Variants in SPG11 observed in about 807,000 individuals in gnomAD.
SPG11 encodes the protein spatacsin.
Under a neutral mutation model 274.0 loss-of-function variants are expected in SPG11, and 222 were observed. The ratio of observed to expected loss-of-function variants is 0.81; its 90% confidence interval spans 0.73 to 0.91. SPG11 has a LOEUF of 0.91. Among genes scored for constraint, SPG11 ranks in the 40% least tolerant of loss-of-function variants. The pLI, the probability that SPG11 is intolerant of heterozygous loss-of-function variation, is 0.00. For missense variants in SPG11, 3,114 were observed against 2,872.7 expected (o/e 1.08, Z -1.92); for synonymous variants, 1,144 against 1,039.7 (o/e 1.10, Z -1.93).
intron 31 of SPG11, among the ~76,000 whole-genome samples, chr15:44,574,395 C>CAAAGA (rs1318732699): frequency 6.6e-6 from 1 of 152,180 alleles, no homozygotes; most frequent in Non-Finnish European, 1.5e-5. Flanking sequence ...CCTCAATTTC[C>CAAAGA]AAAGAAGTCT....
At chr15:44,639,475 G>A (rs2084378689) in intron 7 of SPG11, among the ~76,000 whole-genome samples, 1 of 152,082 alleles carries the variant, frequency 6.6e-6, no homozygotes, top group African/African-American at 2.4e-5. Context: ...AGGTCGAGGA[G>A]GGAGGATTGC....
At chr15:44,600,778 T>A in intron 20 of SPG11, 146 bp from the exon 21 acceptor site, 1 of 850,348 alleles carries the variant, frequency 1.2e-6, no homozygotes, top group Non-Finnish European at 1.9e-6. Context: ...AAAATCTGAT[T>A]TATTTTACTT....
chr15:44,627,194 T>C (rs192523307), intron 10 of SPG11, among the ~76,000 whole-genome samples: 1 of 152,132 alleles, frequency 6.6e-6, no homozygotes, highest in African/African-American at 2.4e-5. Context: ...GAGAGTGGAC[T>C]AAAAGTGATT....
At chr15:44,638,487 A>C (rs538030006) in intron 7 of SPG11, among the ~76,000 whole-genome samples, 1 of 132,410 alleles carries the variant, frequency 7.6e-6, no homozygotes, top group African/African-American at 2.7e-5. Flanking sequence ...CAAACAACAA[A>C]AAAAACCACA....
Position 44,589,381 on chromosome 15 carries a change from TGACA to T in SPG11, c.4773_4776del (p.Val1592SerfsTer14). 1 of 1,614,102 alleles carries T rather than the reference TGACA, an allele frequency of 6.2e-7. No individual in the cohort carries two copies. The highest frequency in any genetic ancestry group is 8.5e-7 in the Non-Finnish European group (1 of 1,179,946). Reference sequence around the variant, plus strand: ...TGATCCTCCAGCCACATGGCAGGGATGACAGGGTGGACCTTTGTGGCTGCTGTGT... The same window carrying T: ...TGATCCTCCAGCCACATGGCAGGGATGGGTGGACCTTTGTGGCTGCTGTGT... On this transcript the variant is annotated frameshift_variant, in exon 28 of 40. Coordinates refer to ENST00000261866, the MANE Select transcript of SPG11 (RefSeq NM_025137.4). LOFTEE classifies it high-confidence loss of function.
chr15:44,605,406 G>T (rs2083293380), intron 20 of SPG11, among the ~76,000 whole-genome samples: 2 of 152,056 alleles, frequency 1.3e-5, no homozygotes. Context: ...TATGTACAAA[G>T]TACTAATGCA....
At chr15:44,566,081 G>T in intron 37 of SPG11, 72 bp from the exon 38 acceptor site, 1 of 1,597,790 alleles carries the variant, frequency 6.3e-7, no homozygotes. Flanking sequence ...CCCTCACAAC[G>T]GTATTCACCC....
Position 44,570,565 on chromosome 15 carries a change from G to A in SPG11, c.6437C>T (p.Thr2146Ile), listed in dbSNP as rs750928941. ...CTCACTGGGGGCCAGGTGGTTATCTGTGAGCATGTGGGCGGCCTGTAGGAC... is the reference window on the plus strand; with the variant it reads ...CTCACTGGGGGCCAGGTGGTTATCTATGAGCATGTGGGCGGCCTGTAGGAC... The part of the protein sequence containing the change: ...IRVLQAAHML[T>I]DNHLAPSEEY... Residue 2146 changes from threonine to isoleucine, a missense_variant, in exon 34 of 40, where the codon ACA becomes ATA. Transcript: ENST00000261866. 2.5e-6 allele frequency: 4 copies of A among 1,614,192 alleles called. No homozygotes were observed. The highest frequency in any genetic ancestry group is 3.4e-6 in the Non-Finnish European group (4 of 1,180,020).
intron 14 of SPG11, 61 bp from the exon 15 acceptor site, chr15:44,620,464 A>C (rs2083712558): frequency 1.8e-6 from 2 of 1,097,488 alleles, no homozygotes; most frequent in East Asian, 5.2e-5. Flanking sequence ...ATGTAACTCA[A>C]CACTAAATTA....
At chr15:44,654,850 A>C (rs1316669654) in intron 4 of SPG11, among the ~76,000 whole-genome samples, 1 of 152,204 alleles carries the variant, frequency 6.6e-6, no homozygotes, top group African/African-American at 2.4e-5. Context: ...AAAGAAAAAA[A>C]AAAAGTTAAC....
At chr15:44,566,417 C>T (rs1343273817) in intron 36 of SPG11, 112 bp from the exon 37 acceptor site, 20 of 1,013,246 alleles carry the variant, frequency 2.0e-5, no homozygotes, top group Non-Finnish European at 2.6e-5. Context: ...TGTTCACAGG[C>T]AGGCAGGAAC....
intron 30 of SPG11, among the ~76,000 whole-genome samples, chr15:44,576,603 T>C (rs8040923): frequency 0.057 from 8,543 of 150,286 alleles, 620 homozygotes; most frequent in East Asian, 0.19. Flanking sequence ...GAGTGGAGAT[T>C]GCGCCACTGC....
Position 44,596,335 on chromosome 15 carries a change from G to GTAC in SPG11, c.4179_4181dup (p.Gln1393_Tyr1394insTer). On this transcript the variant is annotated stop_gained, in exon 25 of 40. Coordinates refer to ENST00000261866, the MANE Select transcript of SPG11 (RefSeq NM_025137.4). LOFTEE classifies it high-confidence loss of function. ...AGTGGTCTTGAATGACTGGGCTGAA[G>GTAC]TACTGGATAAGGGATTTCACCTAGA... is the stretch of plus-strand genomic sequence containing the variant. 6.2e-7 allele frequency: 1 copy of GTAC among 1,614,172 alleles called. No individual in the cohort carries two copies. Among genetic ancestry groups the GTAC allele is most frequent in the African/African-American group, 1.3e-5 (1 of 75,048 alleles).
At chr15:44,623,274 C>A (rs1473999252) in intron 11 of SPG11, among the ~76,000 whole-genome samples, 1 of 152,162 alleles carries the variant, frequency 6.6e-6, no homozygotes, top group Non-Finnish European at 1.5e-5. Context: ...TATGTATTTA[C>A]TGCCTATCCC....
At chr15:44,659,327 T>C (rs2085035745) in intron 2 of SPG11, 24 bp from the exon 3 acceptor site, 1 of 1,582,074 alleles carries the variant, frequency 6.3e-7, no homozygotes. Context: ...GGATATTATT[T>C]CAAACTCATT....
intron 29 of SPG11, 135 bp downstream of exon 29, chr15:44,585,501 C>T: frequency 1.5e-6 from 1 of 660,394 alleles, no homozygotes; most frequent in Non-Finnish European, 2.6e-6. Flanking sequence ...ACTCGGGAGG[C>T]TGAGGCAGGA....
At position 44,600,451 on chromosome 15, in the gene SPG11, T is replaced by C. The variant is rs200649772; in HGVS notation, c.3686+16A>G. On this transcript the variant is annotated intron_variant, in intron 21 of 39. Coordinates refer to ENST00000261866, the MANE Select transcript of SPG11 (RefSeq NM_025137.4). ...GAACCACTGTACCCAGACAAAATTA[T>C]ATTTTAAATACTCACAGCTGCTTGG... 9.9e-6 allele frequency: 16 copies of C among 1,613,764 alleles called. No individual in the cohort carries two copies. Among genetic ancestry groups the C allele is most frequent in the East Asian group, 4.5e-5 (2 of 44,868 alleles).
In SPG11 at chr15:44,583,813, C is replaced by T. The variant is rs765725393; in HGVS notation, c.5866+1G>A. Reference sequence around the variant, plus strand: ...TGGGCCATCTGATCTCCTTCACTTACTGCTGTGGACTCTCCTTAGGGGAAT... The same window carrying T: ...TGGGCCATCTGATCTCCTTCACTTATTGCTGTGGACTCTCCTTAGGGGAAT... On this transcript the variant is annotated splice_donor_variant, in intron 30 of 39. Coordinates refer to ENST00000261866, the MANE Select transcript of SPG11 (RefSeq NM_025137.4). LOFTEE classifies it high-confidence loss of function. The T allele has an allele frequency of 9.9e-6, 16 of 1,614,026 alleles. No homozygotes were observed. In the East Asian group the frequency reaches 1.6e-4, roughly 16 times the overall value.
At position 44,563,349 on chromosome 15, in the gene SPG11, T is replaced by C. The variant is rs1327923058; in HGVS notation, c.7152-48A>G. ...CAGGTTAAGATACTGTTTTTTGTTT[T>C]GTTTTGTTTGAGACAGTCTTACTCT... On this transcript the variant is annotated intron_variant, in intron 39 of 39. Transcript: ENST00000261866. 3.2e-6 allele frequency: 5 copies of C among 1,570,794 alleles called. No homozygotes were observed. The African/African-American group carries it at 6.8e-5, about 21-fold the overall frequency.
Sources: allele counts gnomAD v4.1 joint callset (sites outside exome capture counted in the v4.1 genomes callset), GRCh38; gene constraint gnomAD v4.1.1; transcripts MANE v1.5; gene names NCBI Gene and HGNC (gene_info 2026-07-23, HGNC 2026-07-21).